The following PITPNA variants were observed in gnomAD, a reference collection of about 807,000 sequenced individuals.
PITPNA encodes phosphatidylinositol transfer protein alpha, also known as phosphatidylinositol transfer protein alpha isoform.
PITPNA carries 13 observed loss-of-function variants against 50.3 expected under a neutral mutation model. The ratio of observed to expected loss-of-function variants is 0.26; its 90% CI spans 0.17 to 0.41. The LOEUF (loss-of-function observed/expected upper bound fraction) is 0.41, where lower values mean the gene tolerates loss of function less well. Ranked by LOEUF, PITPNA falls within the 10% of genes least tolerant of loss-of-function variation. PITPNA has a pLI of 1.00. For synonymous variants in PITPNA, 120 were observed against 119.6 expected (o/e 1.00, Z -0.02); for missense variants, 207 against 333.4 (o/e 0.62, Z 2.95).
chr17:1,529,857 A>T (rs970160892), intron 10 of PITPNA, among the ~76,000 whole-genome samples: 28 of 151,524 alleles, frequency 1.8e-4, no homozygotes, highest in Non-Finnish European at 3.5e-4. Flanking sequence ...TCTGTTTCAA[A>T]AGAAAAAAAA....
rs1215220903 is a variant in PITPNA, at chr17:1,520,125, T to C, written c.*436A>G. ...AGGAGCACTCAAAATTGCGAAGATCTTCCCAGGAAGCAAAATACCTCAGTT... is the reference window on the plus strand; with the variant it reads ...AGGAGCACTCAAAATTGCGAAGATCCTCCCAGGAAGCAAAATACCTCAGTT... On this transcript the variant is annotated 3_prime_UTR_variant, in exon 12 of 12. Transcript: ENST00000313486. 3.9e-5 allele frequency: 6 copies of C among 152,156 alleles called. No individual in the cohort carries two copies. Among genetic ancestry groups the C allele is most frequent in the Admixed American group, 3.9e-4 (6 of 15,272 alleles). 9.4% of individuals were successfully genotyped at this position (152,156 alleles called of 1,614,324 possible).
At chr17:1,528,993 C>CTTT (rs2075563954) in intron 10 of PITPNA, among the ~76,000 whole-genome samples, 1 of 151,134 alleles carries the variant, frequency 6.6e-6, no homozygotes, top group Non-Finnish European at 1.5e-5. Flanking sequence ...CAAAAATTAG[C>CTTT]TGGGCGTGGT....
chr17:1,533,607 TC>T (rs1249494939), intron 10 of PITPNA, among the ~76,000 whole-genome samples: 2 of 152,158 alleles, frequency 1.3e-5, no homozygotes, highest in African/African-American at 4.8e-5. Flanking sequence ...CCTTCTGCGA[TC>T]CACGCCAAGA....
At chr17:1,521,721 G>T in intron 10 of PITPNA, 76 bp from the exon 11 acceptor site, 1 of 1,175,878 alleles carries the variant, frequency 8.5e-7, no homozygotes, top group South Asian at 1.2e-5. Flanking sequence ...CCTGCCCATA[G>T]GTGGGGTGGG....
At chr17:1,544,307 C>T (rs1055283653) in intron 4 of PITPNA, among the ~76,000 whole-genome samples, 6 of 152,358 alleles carry the variant, frequency 3.9e-5, no homozygotes, top group Admixed American at 3.3e-4. Context: ...TGTCCCGTTT[C>T]GGTAGCAATT....
At chr17:1,524,259 T>C (rs12948467) in intron 10 of PITPNA, among the ~76,000 whole-genome samples, 46,644 of 149,882 alleles carry the variant, frequency 0.31, 7,445 homozygotes, top group East Asian at 0.52. Context: ...TTAGCCAGGA[T>C]GGTCTCCATG....
chr17:1,524,773 C>T (rs1328099800), intron 10 of PITPNA, among the ~76,000 whole-genome samples: 4 of 151,138 alleles, frequency 2.6e-5, no homozygotes, highest in African/African-American at 7.3e-5. Flanking sequence ...CGTTTGAACC[C>T]GGGAGGTGGA....
intron 2 of PITPNA, among the ~76,000 whole-genome samples, chr17:1,553,999 G>C (rs1029677357): frequency 6.6e-6 from 1 of 152,148 alleles, no homozygotes; most frequent in African/African-American, 2.4e-5. Context: ...CAAAAACCTA[G>C]TTTTCCTTTA....
At chr17:1,556,564 C>T (rs1465574431) in intron 2 of PITPNA, among the ~76,000 whole-genome samples, 2 of 152,272 alleles carry the variant, frequency 1.3e-5, no homozygotes, top group Non-Finnish European at 1.5e-5. Context: ...TTCTCAGAGA[C>T]ACTCTCGCCC....
intron 2 of PITPNA, among the ~76,000 whole-genome samples, chr17:1,556,965 A>C (rs894452658): frequency 2.6e-5 from 4 of 152,092 alleles, no homozygotes; most frequent in African/African-American, 9.7e-5. Context: ...AAAAAAAATA[A>C]AGACAGCATG....
At chr17:1,534,658 C>A (rs779293695) in intron 9 of PITPNA, among the ~76,000 whole-genome samples, 1 of 152,232 alleles carries the variant, frequency 6.6e-6, no homozygotes, top group Non-Finnish European at 1.5e-5. Flanking sequence ...ACTCCTTAGA[C>A]CTGCCCAGCA....
intron 10 of PITPNA, among the ~76,000 whole-genome samples, chr17:1,526,618 C>T (rs2075549872): frequency 6.6e-6 from 1 of 152,242 alleles, no homozygotes; most frequent in South Asian, 2.1e-4. Context: ...GAGTTCACCA[C>T]CTGGCTTCAG....
chr17:1,538,162 A>G (rs1404890895), intron 7 of PITPNA, among the ~76,000 whole-genome samples: 1 of 152,192 alleles, frequency 6.6e-6, no homozygotes, highest in East Asian at 1.9e-4. Flanking sequence ...GGATACAAAG[A>G]GCAAACACAC....
intron 1 of PITPNA, chr17:1,559,592 A>G (rs1298978386): frequency 1.2e-5 from 2 of 166,500 alleles, no homozygotes; most frequent in Non-Finnish European, 2.5e-5. Context: ...TGTGTCTTGC[A>G]TGTTTAGTGA....
chr17:1,559,950 G>C (rs761270614), intron 1 of PITPNA: 1 of 178,640 alleles, frequency 5.6e-6, no homozygotes, highest in Non-Finnish European at 1.1e-5. Flanking sequence ...CCAACTTGGA[G>C]GCCAGAATTT....
At chr17:1,543,243 A>T (rs2075656793) in intron 4 of PITPNA, among the ~76,000 whole-genome samples, 1 of 152,132 alleles carries the variant, frequency 6.6e-6, no homozygotes, top group Admixed American at 6.5e-5. Flanking sequence ...AAAACCAAAC[A>T]GGGAATTTAA....
intron 11 of PITPNA, among the ~76,000 whole-genome samples, chr17:1,521,193 C>T (rs775006533): frequency 5.3e-5 from 8 of 152,176 alleles, no homozygotes; most frequent in Non-Finnish European, 8.8e-5. Context: ...GCAAGTTTTC[C>T]AAGGGGGAAG....
Position 1,558,533 on chromosome 17 carries a change from T to G in PITPNA, c.47A>C (p.Asp16Ala). 6.2e-7 allele frequency: 1 copy of G among 1,603,166 alleles called. No homozygotes were observed. Among genetic ancestry groups the G allele is most frequent in the Non-Finnish European group, 8.5e-7 (1 of 1,170,938 alleles). The change falls in exon 2 of 12, where the codon GAT (aspartate) becomes GCT (alanine). Residue 16 changes from aspartate (D) to alanine (A), a missense_variant. By Grantham distance (126) the Asp-to-Ala change is moderately radical. Transcript: ENST00000313486. ...EYRVILPVSV[D>A]EYQVGQLYSV... is the part of the protein sequence containing the mutation. ...CCAGAAAGTAAAAGGACTTACCTCA[T>G]CTACAGACACAGGCAGGATTACTCG...
rs565160149 is a variant in PITPNA at position 1,543,725 on chromosome 17, C to T, written c.290-698G>A. The stretch of plus-strand genomic sequence containing the variant: ...TCCAGAACTGAAGTTAAGGTGACCC[C>T]GGAGCACAAAATGAGGCAAAGTTGA... On this transcript the variant is annotated intron_variant, in intron 4 of 11. Coordinates refer to ENST00000313486, the MANE Select transcript of PITPNA (RefSeq NM_006224.4). Among the ~76,000 whole-genome samples the T allele has an allele frequency of 3.4e-4, 51 of 152,144 alleles. 1 individual carries two copies. In the South Asian group the frequency reaches 5.8e-3, roughly 17 times the overall value.
Sources: allele counts gnomAD v4.1 joint callset (sites outside exome capture counted in the v4.1 genomes callset), GRCh38; gene constraint gnomAD v4.1.1; transcripts MANE v1.5; gene names NCBI Gene and HGNC (gene_info 2026-07-23, HGNC 2026-07-21).